PTPN21: variants seen among roughly 807,000 people sequenced by gnomAD.
PTPN21 encodes tyrosine-protein phosphatase non-receptor type 21.
In PTPN21, 77 loss-of-function variants were observed where a neutral mutation model predicts 131.8. That is an observed-to-expected ratio of 0.58 (90% CI 0.49 to 0.71). PTPN21 has a LOEUF of 0.71. Ranked by LOEUF, PTPN21 falls within the 30% of genes least tolerant of loss-of-function variation. The pLI is 0.00. For missense variants in PTPN21, 1,552 were observed against 1,527.1 expected (o/e 1.02, Z -0.27); for synonymous variants, 715 against 621.3 (o/e 1.15, Z -2.24).
At chr14:88,512,501 T>C (rs1213316737) in intron 3 of PTPN21, 1 of 152,242 alleles carries the variant, frequency 6.6e-6, no homozygotes, top group Non-Finnish European at 1.5e-5. Flanking sequence ...ATTTGTCATG[T>C]AGAATTTCCT....
At chr14:88,528,145 C>G (rs569320561) in intron 2 of PTPN21, among the ~76,000 whole-genome samples, 10 of 152,024 alleles carry the variant, frequency 6.6e-5, no homozygotes, top group African/African-American at 2.2e-4. Flanking sequence ...TTTTTTGGTT[C>G]CATGTAAGTT....
Position 88,479,032 on chromosome 14 carries a change from T to C in PTPN21, c.2399A>G (p.Asp800Gly). 4 of 1,606,572 alleles carry C rather than the reference T, an allele frequency of 2.5e-6. No individual in the cohort carries two copies. The highest frequency in any genetic ancestry group is 1.1e-5 in the South Asian group (1 of 90,300). ...TCGGTAGCGGCCTGACGTGGTGAGG[T>C]CGGACTCCGACATGGAGGGCATCAG... Reference protein sequence around the residue: ...GLLMPSMSESDLTTSGRYRAR... With the variant: ...GLLMPSMSESGLTTSGRYRAR... Residue 800 changes from aspartate to glycine, a missense_variant, in exon 13 of 19, where the codon GAC becomes GGC. Asp to Gly is a moderately conservative substitution (Grantham distance 94). Coordinates refer to ENST00000556564, the MANE Select transcript of PTPN21 (RefSeq NM_007039.4).
At chr14:88,535,673 CA>C (rs1057190315) in intron 2 of PTPN21, among the ~76,000 whole-genome samples, 103 of 152,292 alleles carry the variant, frequency 6.8e-4, no homozygotes, top group African/African-American at 2.5e-3. Flanking sequence ...AAACTTGAAT[CA>C]AGCATGCTTC....
Position 88,517,238 on chromosome 14 carries a change from G to A in PTPN21, c.204C>T (p.Tyr68=). Residue 68 remains tyrosine, a synonymous_variant, in exon 3 of 19, where the codon TAC becomes TAT. Transcript: ENST00000556564. Reference sequence around the variant, plus strand: ...ACCGGCGCTGATTTTGCTTGTTGTAGTACCAGAGGCTGAAGTAAGTGACCT... The same window carrying A: ...ACCGGCGCTGATTTTGCTTGTTGTAATACCAGAGGCTGAAGTAAGTGACCT... ...LREVTYFSLW[Y]YNKQNQRRWV... The A allele has an allele frequency of 6.2e-7, 1 of 1,613,980 alleles. No individual in the cohort carries two copies. The highest frequency in any genetic ancestry group is 1.1e-5 in the South Asian group (1 of 91,074).
intron 3 of PTPN21, among the ~76,000 whole-genome samples, chr14:88,515,658 C>T (rs1225738795): frequency 1.3e-5 from 2 of 152,176 alleles, no homozygotes; most frequent in Admixed American, 6.5e-5. Context: ...AGTCTCTCTA[C>T]CTTTCCTGTT....
chr14:88,496,263 A>G, intron 10 of PTPN21, 150 bp downstream of exon 10: 1 of 631,868 alleles, frequency 1.6e-6, no homozygotes, highest in Non-Finnish European at 2.7e-6. Context: ...AGTTATTACA[A>G]GTTGGTCCAA....
intron 7 of PTPN21, 35 bp downstream of exon 7, chr14:88,501,246 A>C: frequency 3.9e-6 from 6 of 1,537,850 alleles, no homozygotes; most frequent in Non-Finnish European, 5.4e-6. Context: ...TGTAAGCCTA[A>C]CTTTAAAGAG....
At chr14:88,545,601 G>C (rs2078764578) in intron 2 of PTPN21, among the ~76,000 whole-genome samples, 1 of 152,164 alleles carries the variant, frequency 6.6e-6, no homozygotes, top group African/African-American at 2.4e-5. Flanking sequence ...TGATAGGCAG[G>C]GAATTTCAAC....
At chr14:88,523,594 A>G (rs541084098) in intron 2 of PTPN21, among the ~76,000 whole-genome samples, 111 of 152,266 alleles carry the variant, frequency 7.3e-4, no homozygotes, top group African/African-American at 2.5e-3. Flanking sequence ...GAAGGTTCTA[A>G]CCAGAGCAAT....
chr14:88,518,721 G>A (rs975920438), intron 2 of PTPN21, among the ~76,000 whole-genome samples: 12 of 151,418 alleles, frequency 7.9e-5, no homozygotes, highest in Non-Finnish European at 1.5e-4. Context: ...ATGAGCCACC[G>A]CACCCAGCCT....
Position 88,485,706 on chromosome 14 carries a change from C to T in PTPN21, c.993+76G>A, listed in dbSNP as rs543985301. On this transcript the variant is annotated intron_variant, in intron 11 of 18. Coordinates refer to ENST00000556564, the MANE Select transcript of PTPN21 (RefSeq NM_007039.4). ...TTTTATGGTTCAAACTCAAAATTAA[C>T]AGCATTGAAAGCATATTTTATTCAG... The T allele has an allele frequency of 2.8e-6, 3 of 1,081,268 alleles. 1 individual carries two copies. Among genetic ancestry groups the T allele is most frequent in the East Asian group, 4.8e-5 (2 of 41,872 alleles). 67.0% of individuals were successfully genotyped at this position (1,081,268 alleles called of 1,614,324 possible).
chr14:88,468,370 GTC>G, intron 18 of PTPN21, 105 bp from the exon 19 acceptor site: 1 of 1,135,902 alleles, frequency 8.8e-7, no homozygotes, highest in Non-Finnish European at 1.2e-6. Context: ...GAGATGGACA[GTC>G]TCTTTTCCAC....
chr14:88,541,081 C>T (rs919561552), intron 2 of PTPN21, among the ~76,000 whole-genome samples: 4 of 152,144 alleles, frequency 2.6e-5, no homozygotes, highest in African/African-American at 7.2e-5. Context: ...AACTACTCTG[C>T]CCCATATATA....
At chr14:88,492,950 CA>C (rs1298957602) in intron 10 of PTPN21, 2 of 378,310 alleles carry the variant, frequency 5.3e-6, no homozygotes, top group African/African-American at 4.2e-5. Flanking sequence ...AGAGACAGAT[CA>C]AATGAAAATG....
chr14:88,503,843 T>C (rs563306782), intron 6 of PTPN21: 2 of 152,532 alleles, frequency 1.3e-5, no homozygotes, highest in East Asian at 3.9e-4. Context: ...AGAATAAGAC[T>C]TAGCATTATC....
chr14:88,468,300 T>C, intron 18 of PTPN21, 35 bp from the exon 19 acceptor site: 3 of 1,558,670 alleles, frequency 1.9e-6, no homozygotes, highest in Non-Finnish European at 2.6e-6. Context: ...AGATAATGTG[T>C]TCCCCTGGGG....
intron 10 of PTPN21, among the ~76,000 whole-genome samples, chr14:88,493,707 G>A (rs1262889447): frequency 6.6e-6 from 1 of 152,218 alleles, no homozygotes; most frequent in Non-Finnish European, 1.5e-5. Context: ...ATGGACCAGG[G>A]ACAAGAGGAC....
At chr14:88,548,403 C>G (rs2078813771) in intron 2 of PTPN21, among the ~76,000 whole-genome samples, 1 of 152,214 alleles carries the variant, frequency 6.6e-6, no homozygotes, top group Admixed American at 6.5e-5. Flanking sequence ...CTGTGCAGTT[C>G]TCTTTGTTGG....
chr14:88,500,761 C>T (rs2077995553), intron 8 of PTPN21, 22 bp downstream of exon 8: 1 of 1,537,692 alleles, frequency 6.5e-7, no homozygotes, highest in Non-Finnish European at 9.0e-7. Context: ...AGAAAACATA[C>T]AAAAAGAGGT....
Sources: gnomAD v4.1 joint callset for allele counts (sites outside exome capture counted in the v4.1 genomes callset) on GRCh38, gnomAD v4.1.1 for gene constraint, MANE v1.5 for transcripts, NCBI Gene and HGNC (gene_info 2026-07-23, HGNC 2026-07-21) for gene names.